IL10RB: variants seen among roughly 807,000 people sequenced by gnomAD.
IL10RB encodes interleukin-10 receptor subunit beta.
In IL10RB, 30 loss-of-function variants were observed where a neutral mutation model predicts 38.7. The observed-to-expected ratio is 0.78, with a 90% confidence interval of 0.58 to 1.05. The LOEUF (loss-of-function observed/expected upper bound fraction) is 1.05. IL10RB is among the 50% of genes least tolerant of loss of function. IL10RB has a pLI of 0.00. For synonymous variants in IL10RB, 142 were observed against 145.9 expected (o/e 0.97, Z 0.19); for missense variants, 328 against 397.1 (o/e 0.83, Z 1.48).
chr21:33,283,306 T>C, intron 5 of IL10RB, 65 bp downstream of exon 5: 1 of 1,487,844 alleles, frequency 6.7e-7, no homozygotes, highest in South Asian at 1.1e-5. Context: ...GCCCTAGACA[T>C]GATTGCATCC....
At chr21:33,299,325 C>T (rs767651858), downstream of IL10RB, among the ~76,000 whole-genome samples, 1 of 152,164 alleles carries the variant, frequency 6.6e-6, no homozygotes, top group Non-Finnish European at 1.5e-5. Flanking sequence ...GGAAGAACAC[C>T]TGTGGGAAAA....
At chr21:33,306,268 G>A (rs2082998740) in intron 1 of IL10RB, among the ~76,000 whole-genome samples, 1 of 152,138 alleles carries the variant, frequency 6.6e-6, no homozygotes, top group Admixed American at 6.5e-5. Flanking sequence ...AACAGAGACT[G>A]TGACAAAGCA....
intron 3 of IL10RB, among the ~76,000 whole-genome samples, chr21:33,279,198 A>G (rs1989235442): frequency 6.6e-6 from 1 of 152,360 alleles, no homozygotes; most frequent in Non-Finnish European, 1.5e-5. Flanking sequence ...AGGAAGTAGC[A>G]TTTGAGCAGA....
At chr21:33,290,283 A>G (rs1364243260) in intron 6 of IL10RB, among the ~76,000 whole-genome samples, 1 of 152,028 alleles carries the variant, frequency 6.6e-6, no homozygotes, top group South Asian at 2.1e-4. Context: ...GCGAGACTCC[A>G]TCTCAAAATT....
chr21:33,279,711 A>G, intron 3 of IL10RB, 41 bp from the exon 4 acceptor site: 8 of 1,583,824 alleles, frequency 5.1e-6, no homozygotes, highest in Non-Finnish European at 6.9e-6. Context: ...AGTTTTTAAA[A>G]TGTGATTTTT....
At chr21:33,302,999 C>T (rs941374416) in intron 1 of IL10RB, among the ~76,000 whole-genome samples, 1 of 152,200 alleles carries the variant, frequency 6.6e-6, no homozygotes, top group African/African-American at 2.4e-5. Flanking sequence ...GTCTCAGGCC[C>T]CTGCTGGCCA....
intron 6 of IL10RB, chr21:33,294,188 G>A (rs184758873): frequency 1.1e-5 from 4 of 371,326 alleles, no homozygotes; most frequent in Admixed American, 1.1e-4. Context: ...AGGCAACTAC[G>A]GAGCAGTTCG....
chr21:33,294,211 C>A, intron 6 of IL10RB: 1 of 342,128 alleles, frequency 2.9e-6, no homozygotes, highest in Non-Finnish European at 5.8e-6. Flanking sequence ...GTCCTCACAT[C>A]ACGACTTTCT....
At chr21:33,292,601 C>G (rs1989510834) in intron 6 of IL10RB, among the ~76,000 whole-genome samples, 1 of 152,162 alleles carries the variant, frequency 6.6e-6, no homozygotes, top group Non-Finnish European at 1.5e-5. Flanking sequence ...CGTCCCTCGT[C>G]AGAAGCTCTG....
At chr21:33,291,445 T>C (rs1989485215) in intron 6 of IL10RB, among the ~76,000 whole-genome samples, 1 of 152,102 alleles carries the variant, frequency 6.6e-6, no homozygotes, top group African/African-American at 2.4e-5. Flanking sequence ...TTTGTGTTTT[T>C]AGTAGAGACA....
rs8178545 is a variant in IL10RB, at chr21:33,291,513, G to A, written c.804+3252G>A. 6.1e-3 allele frequency among the ~76,000 whole-genome samples: 926 copies of A among 152,184 alleles called. 8 individuals carry two copies. The highest frequency in any genetic ancestry group is 0.022 in the African/African-American group (893 of 41,534). On this transcript the variant is annotated intron_variant, in intron 6 of 6. Coordinates refer to ENST00000290200, the MANE Select transcript of IL10RB (RefSeq NM_000628.5). Reference sequence around the variant, plus strand: ...ACTCCTGACCTCAAGTGATCTGCCCGCCCTGGCCTCCCAAAGTGCTGGGAT... The same window carrying A: ...ACTCCTGACCTCAAGTGATCTGCCCACCCTGGCCTCCCAAAGTGCTGGGAT...
rs747586675 is a variant in IL10RB at position 33,288,192 on chromosome 21, G to A, written c.735G>A (p.Leu245=). The change falls in exon 6 of 7, where the codon CTG becomes CTA. Residue 245 remains leucine (L), a synonymous_variant. Transcript: ENST00000290200. The stretch of plus-strand genomic sequence containing the variant: ...CACTCCTCGGCTGCTTCGCCTTGCT[G>A]TGGTGCGTTTACAAGAAGACAAAGT... The part of the protein sequence containing the change: ...CLALLGCFAL[L]WCVYKKTKYA... The A allele has an allele frequency of 9.3e-6, 15 of 1,613,992 alleles. No individual in the cohort carries two copies. The highest frequency in any genetic ancestry group is 6.7e-5 in the Admixed American group (4 of 59,992).
At chr21:33,295,557 A>G (rs1024505707) in intron 6 of IL10RB, among the ~76,000 whole-genome samples, 3 of 150,650 alleles carry the variant, frequency 2.0e-5, no homozygotes, top group Non-Finnish European at 4.4e-5. Context: ...CTGTAGTCCC[A>G]GCTACTCAGG....
At position 33,288,094 on chromosome 21, in the gene IL10RB, C is replaced by T. The variant is rs755750747; in HGVS notation, c.647-10C>T. On this transcript the variant is annotated splice_polypyrimidine_tract_variant and intron_variant, in intron 5 of 6. Transcript: ENST00000290200. ...TGACAAGAATGTAACATGCCCATTA[C>T]CCCTGGCAGAAACGGTCCCCTCCTG... is the stretch of plus-strand genomic sequence containing the variant. 6.2e-7 allele frequency: 1 copy of T among 1,613,768 alleles called. No individual in the cohort carries two copies. Among genetic ancestry groups the T allele is most frequent in the South Asian group, 1.1e-5 (1 of 91,056 alleles).
At chr21:33,285,778 A>C (rs1989361527) in intron 5 of IL10RB, among the ~76,000 whole-genome samples, 1 of 152,188 alleles carries the variant, frequency 6.6e-6, no homozygotes, top group African/African-American at 2.4e-5. Flanking sequence ...TGGATGGATG[A>C]GTAGGAGCCT....
downstream of IL10RB, chr21:33,297,357 G>A (rs993322315): frequency 2.0e-5 from 3 of 151,844 alleles, no homozygotes; most frequent in Middle Eastern, 3.4e-3. Context: ...TAGGTACTAG[G>A]TCTCAGTCAT....
intron 6 of IL10RB, among the ~76,000 whole-genome samples, chr21:33,291,096 C>T (rs1309292401): frequency 1.3e-5 from 2 of 152,078 alleles, no homozygotes; most frequent in African/African-American, 4.8e-5. Flanking sequence ...CAAGCCTTCT[C>T]CCTATGTGAG....
intron 2 of IL10RB, among the ~76,000 whole-genome samples, chr21:33,269,849 G>A (rs1051901235): frequency 2.0e-5 from 3 of 151,872 alleles, no homozygotes; most frequent in Non-Finnish European, 4.4e-5. Context: ...TAGTAGAGAC[G>A]GGGTTTCACC....
intron 2 of IL10RB, 81 bp from the exon 3 acceptor site, chr21:33,276,515 C>G (rs191248435): frequency 6.3e-5 from 71 of 1,121,100 alleles, no homozygotes; most frequent in African/African-American, 3.1e-4. Flanking sequence ...CGCCGCCCCC[C>G]CCTCCAAATT....
Sources: allele counts gnomAD v4.1 joint callset (sites outside exome capture counted in the v4.1 genomes callset), GRCh38; gene constraint gnomAD v4.1.1; transcripts MANE v1.5; gene names NCBI Gene and HGNC (gene_info 2026-07-23, HGNC 2026-07-21).